Variants in CDC42SE2 observed in about 807,000 individuals in gnomAD.
CDC42SE2 encodes the protein CDC42 small effector 2.
CDC42SE2 carries 3 observed loss-of-function variants against 11.5 expected under a neutral mutation model. That is an observed-to-expected ratio of 0.26 (90% confidence interval 0.12 to 0.67). The LOEUF is 0.67. Ranked by LOEUF, CDC42SE2 falls within the 30% of genes least tolerant of loss-of-function variation. The pLI is 0.80. For missense variants in CDC42SE2, 82 were observed against 106.8 expected, an observed-to-expected ratio of 0.77 and a Z score of 1.02; for synonymous variants, 33 against 34.8, an observed-to-expected ratio of 0.95 and a Z score of 0.18.
intron 2 of CDC42SE2, among the ~76,000 whole-genome samples, chr5:131,345,952 GAGATTTT>G (rs1326368121): frequency 6.6e-6 from 1 of 152,214 alleles, no homozygotes; most frequent in Non-Finnish European, 1.5e-5. Context: ...CAAATGCTGA[GAGATTTT>G]GTCACCACCA....
At chr5:131,334,228 G>T (rs1758497763) in intron 2 of CDC42SE2, among the ~76,000 whole-genome samples, 1 of 152,146 alleles carries the variant, frequency 6.6e-6, no homozygotes, top group Non-Finnish European at 1.5e-5. Flanking sequence ...TAATCATGTG[G>T]TTTTTGTCTT....
At chr5:131,244,396 T>G (rs1446745210), upstream of CDC42SE2, among the ~76,000 whole-genome samples, 1 of 152,108 alleles carries the variant, frequency 6.6e-6, no homozygotes, top group Non-Finnish European at 1.5e-5. Context: ...GCAGAAAACA[T>G]GTTCAATTTT....
chr5:131,268,415 T>C (rs547726250), intron 1 of CDC42SE2, among the ~76,000 whole-genome samples: 1 of 151,352 alleles, frequency 6.6e-6, no homozygotes, highest in South Asian at 2.1e-4. Context: ...TTTTTTCTTA[T>C]GTTTTTCATA....
At chr5:131,237,554 T>C in the CDC42SE2 span, among the ~76,000 whole-genome samples, 2 of 152,188 alleles carry the variant, frequency 1.3e-5, no homozygotes. Flanking sequence ...TGGACATACA[T>C]ACATCACATT....
chr5:131,219,035 G>A, the CDC42SE2 span, among the ~76,000 whole-genome samples: 1 of 152,158 alleles, frequency 6.6e-6, no homozygotes, highest in Admixed American at 6.5e-5. Context: ...GAATTACTAG[G>A]GTGCTAGCAA....
At chr5:131,285,908 T>C (rs1339525159) in intron 1 of CDC42SE2, among the ~76,000 whole-genome samples, 1 of 152,190 alleles carries the variant, frequency 6.6e-6, no homozygotes. Context: ...TTTGTGTCAT[T>C]GCTCACCACT....
intron 2 of CDC42SE2, among the ~76,000 whole-genome samples, chr5:131,347,643 A>G (rs1758882287): frequency 6.6e-6 from 1 of 152,212 alleles, no homozygotes; most frequent in Admixed American, 6.5e-5. Context: ...TCCCCAATTC[A>G]TTTTATGAGG....
chr5:131,359,356 A>G lies in CDC42SE2; in HGVS notation c.-138A>G. 3 of 748,426 alleles carry G rather than the reference A, an allele frequency of 4.0e-6. No homozygotes were observed. Among genetic ancestry groups the G allele is most frequent in the South Asian group, 1.5e-5 (1 of 64,926 alleles). The allele number at this position is 748,426 out of a possible 1,614,324, so 46.4% of individuals were successfully genotyped here. A position where few individuals can be genotyped will look rare whatever the true frequency, so the allele number is the denominator to read the frequency against. ...CGACTGTGTAAGATACTTGACTTCCAGGAACAAAAACACGGTGAAATAATA... is the reference window on the plus strand; with the variant it reads ...CGACTGTGTAAGATACTTGACTTCCGGGAACAAAAACACGGTGAAATAATA... On this transcript the variant is annotated 5_prime_UTR_variant, in exon 3 of 5. Transcript: ENST00000505065.
chr5:131,386,921 G>C (rs17167486), intron 4 of CDC42SE2, among the ~76,000 whole-genome samples: 2,008 of 152,318 alleles, frequency 0.013, 46 homozygotes, highest in African/African-American at 0.044. Flanking sequence ...CAGCAACGAC[G>C]TTTGTCACTG....
At chr5:131,302,833 T>A (rs1436696780) in intron 1 of CDC42SE2, among the ~76,000 whole-genome samples, 2 of 152,102 alleles carry the variant, frequency 1.3e-5, no homozygotes, top group Admixed American at 6.6e-5. Context: ...CTTTTTTTTT[T>A]TTTTAAGACA....
At chr5:131,231,578 G>A in the CDC42SE2 span, among the ~76,000 whole-genome samples, 1 of 151,930 alleles carries the variant, frequency 6.6e-6, no homozygotes, top group Non-Finnish European at 1.5e-5. Flanking sequence ...GTGTTTGGCC[G>A]GCTGGTTAAT....
intron 1 of CDC42SE2, among the ~76,000 whole-genome samples, chr5:131,290,414 T>C (rs1440532278): frequency 2.0e-5 from 3 of 152,184 alleles, no homozygotes; most frequent in African/African-American, 7.2e-5. Flanking sequence ...TATTTCACTT[T>C]TTAATTTTAC....
At chr5:131,314,594 T>C (rs1580749026) in intron 1 of CDC42SE2, among the ~76,000 whole-genome samples, 1 of 152,172 alleles carries the variant, frequency 6.6e-6, no homozygotes, top group Non-Finnish European at 1.5e-5. Flanking sequence ...TTTTTGAGTA[T>C]TAATCTTGGT....
chr5:131,381,360 G>A (rs573884470), intron 3 of CDC42SE2, among the ~76,000 whole-genome samples: 59 of 147,860 alleles, frequency 4.0e-4, no homozygotes, highest in African/African-American at 1.4e-3. Flanking sequence ...TCTCGCTCTT[G>A]TCCCCCAGGC....
chr5:131,302,061 C>A (rs543782587), intron 1 of CDC42SE2, among the ~76,000 whole-genome samples: 1 of 152,100 alleles, frequency 6.6e-6, no homozygotes, highest in Non-Finnish European at 1.5e-5. Flanking sequence ...GACTGCAATG[C>A]GGTGACGAGA....
intron 2 of CDC42SE2, among the ~76,000 whole-genome samples, chr5:131,325,447 T>C (rs1407463785): frequency 6.6e-6 from 1 of 152,028 alleles, no homozygotes. Context: ...AAAATTTGCG[T>C]CCTTTTCCCA....
At chr5:131,325,445 C>T (rs749277918) in intron 2 of CDC42SE2, among the ~76,000 whole-genome samples, 24 of 149,668 alleles carry the variant, frequency 1.6e-4, no homozygotes, top group African/African-American at 3.7e-4. Flanking sequence ...TTAAAATTTG[C>T]GTCCTTTTCC....
chr5:131,260,141 C>T (rs1256566188), upstream of CDC42SE2, among the ~76,000 whole-genome samples: 2 of 152,186 alleles, frequency 1.3e-5, no homozygotes, highest in Non-Finnish European at 2.9e-5. Flanking sequence ...ACAGACCTCA[C>T]AGGTAGGTAA....
chr5:131,349,083 A>G (rs1302532254), intron 2 of CDC42SE2, among the ~76,000 whole-genome samples: 1 of 152,194 alleles, frequency 6.6e-6, no homozygotes, highest in African/African-American at 2.4e-5. Flanking sequence ...GGCATGGGCA[A>G]GGACTTCATG....
Sources: gnomAD v4.1 joint callset for allele counts (sites outside exome capture counted in the v4.1 genomes callset) on GRCh38, gnomAD v4.1.1 for gene constraint, MANE v1.5 for transcripts, NCBI Gene and HGNC (gene_info 2026-07-23, HGNC 2026-07-21) for gene names.